Variants in ADTRP observed in about 807,000 individuals in gnomAD.
ADTRP encodes the protein androgen dependent TFPI regulating protein.
A neutral mutation model predicts 27.0 loss-of-function variants in ADTRP; 20 were observed. The observed-to-expected ratio is 0.74, with a 90% confidence interval of 0.52 to 1.08. The LOEUF is 1.08. Ranked by LOEUF, ADTRP falls within the 50% of genes least tolerant of loss-of-function variation. The pLI is 0.00. For synonymous variants in ADTRP, 101 were observed against 105.2 expected, an observed-to-expected ratio of 0.96 and a Z score of 0.25; for missense variants, 251 against 275.0, an observed-to-expected ratio of 0.91 and a Z score of 0.62.
intron 1 of ADTRP, among the ~76,000 whole-genome samples, chr6:11,776,702 G>A (rs908802289): frequency 1.3e-5 from 2 of 152,202 alleles, no homozygotes; most frequent in African/African-American, 4.8e-5. Flanking sequence ...GGGCAGAGAA[G>A]TGACAGCAGG....
rs1285185067 is a variant in ADTRP, at chr6:11,721,239, A to ATG, written c.658+2109_658+2110insCA. Among the ~76,000 whole-genome samples, 164 of 152,316 alleles carry ATG rather than the reference A, an allele frequency of 1.1e-3. 2 individuals are homozygous for ATG. The highest frequency in any genetic ancestry group is 3.9e-3 in the African/African-American group (161 of 41,570). On this transcript the variant is annotated intron_variant, in intron 5 of 5. Transcript: ENST00000414691. The stretch of plus-strand genomic sequence containing the variant: ...CTGGAGGAGACACAGAATCCCGTGG[A>ATG]CGTAAGAAACAACATCAACGTGGAG...
intron 3 of ADTRP, among the ~76,000 whole-genome samples, chr6:11,748,861 G>A (rs1486583891): frequency 6.6e-6 from 1 of 152,244 alleles, no homozygotes; most frequent in African/African-American, 2.4e-5. Context: ...GCCAGGGGGA[G>A]AGAAGCTCAA....
intron 3 of ADTRP, among the ~76,000 whole-genome samples, chr6:11,743,882 C>G (rs2235411): frequency 0.093 from 14,150 of 152,178 alleles, 875 homozygotes; most frequent in Middle Eastern, 0.18. Context: ...AGAATCAACC[C>G]CACTTCCAGC....
At chr6:11,717,528 A>G (rs1046093421) in intron 5 of ADTRP, 27 of 1,125,018 alleles carry the variant, frequency 2.4e-5, no homozygotes, top group African/African-American at 3.3e-5. Context: ...AAAACATAGT[A>G]TTCTCAAAGA....
chr6:11,760,331 C>T (rs1314247444), intron 3 of ADTRP, among the ~76,000 whole-genome samples: 2 of 152,168 alleles, frequency 1.3e-5, no homozygotes, highest in African/African-American at 4.8e-5. Flanking sequence ...AGGTCTGACT[C>T]GAGTCCTCTT....
chr6:11,718,363 C>G (rs1395056208), intron 5 of ADTRP, among the ~76,000 whole-genome samples: 1 of 152,210 alleles, frequency 6.6e-6, no homozygotes, highest in African/African-American at 2.4e-5. Flanking sequence ...TTTCTGTGCC[C>G]CATATCTCTT....
intron 1 of ADTRP, among the ~76,000 whole-genome samples, chr6:11,769,291 T>C (rs1763682487): frequency 6.6e-6 from 1 of 152,080 alleles, no homozygotes; most frequent in Admixed American, 6.5e-5. Flanking sequence ...TTTTAGGGTA[T>C]AAGTCAGGAA....
At chr6:11,717,657 G>C (rs1761876421) in intron 5 of ADTRP, among the ~76,000 whole-genome samples, 1 of 152,232 alleles carries the variant, frequency 6.6e-6, no homozygotes, top group Non-Finnish European at 1.5e-5. Context: ...TGGTTGGGGG[G>C]ATAGCAGGTG....
At chr6:11,740,915 A>G (rs1408626067) in intron 3 of ADTRP, among the ~76,000 whole-genome samples, 1 of 152,220 alleles carries the variant, frequency 6.6e-6, no homozygotes, top group Non-Finnish European at 1.5e-5. Flanking sequence ...TATGGGACTT[A>G]AAAAACAACA....
chr6:11,718,459 ATTAAGCAC>A (rs1761905406), intron 5 of ADTRP, among the ~76,000 whole-genome samples: 2 of 152,098 alleles, frequency 1.3e-5, no homozygotes, highest in Admixed American at 6.5e-5. Flanking sequence ...AAAAAAGAAA[ATTAAGCAC>A]ATAAGGGGCA....
At chr6:11,742,738 C>T (rs1051130115) in intron 3 of ADTRP, among the ~76,000 whole-genome samples, 7 of 152,130 alleles carry the variant, frequency 4.6e-5, no homozygotes, top group African/African-American at 9.7e-5. Flanking sequence ...GGCAAAATAA[C>T]GAAGCTCAAT....
At chr6:11,758,598 T>TAGGAGGTA (rs1763299046) in intron 3 of ADTRP, among the ~76,000 whole-genome samples, 1 of 131,470 alleles carries the variant, frequency 7.6e-6, no homozygotes, top group South Asian at 2.6e-4. Flanking sequence ...CGGATAGCAT[T>TAGGAGGTA]AGGAGGTATA....
chr6:11,755,065 C>T (rs1561764685), intron 3 of ADTRP: 1 of 985,292 alleles, frequency 1.0e-6, no homozygotes. Flanking sequence ...TCAAGTCATT[C>T]TTCCCGTTGG....
chr6:11,773,734 C>T (rs1335274440), intron 1 of ADTRP, among the ~76,000 whole-genome samples: 1 of 152,174 alleles, frequency 6.6e-6, no homozygotes, highest in Non-Finnish European at 1.5e-5. Flanking sequence ...AAAACTGAAG[C>T]ACAGAGAAGT....
intron 2 of ADTRP, among the ~76,000 whole-genome samples, chr6:11,766,716 T>C (rs1399293636): frequency 1.3e-5 from 2 of 152,206 alleles, no homozygotes; most frequent in Non-Finnish European, 2.9e-5. Context: ...TTCTAAACTT[T>C]CACCAGGAAT....
chr6:11,759,056 T>C (rs997473736), intron 3 of ADTRP, among the ~76,000 whole-genome samples: 14 of 152,204 alleles, frequency 9.2e-5, no homozygotes, highest in Admixed American at 4.6e-4. Context: ...GCAATCCTGC[T>C]CACCTGGCAG....
intron 5 of ADTRP, among the ~76,000 whole-genome samples, chr6:11,716,083 C>T (rs959209408): frequency 5.9e-5 from 9 of 152,034 alleles, no homozygotes; most frequent in Admixed American, 5.9e-4. Context: ...TACTCTGGGC[C>T]TTTAATGAAT....
intron 5 of ADTRP, among the ~76,000 whole-genome samples, chr6:11,715,926 G>A (rs1344139708): frequency 6.9e-6 from 1 of 144,290 alleles, no homozygotes; most frequent in African/African-American, 2.6e-5. Context: ...TCCCATCTCA[G>A]CCTCCCAAAG....
intron 1 of ADTRP, among the ~76,000 whole-genome samples, chr6:11,778,258 C>T (rs1342839167): frequency 6.6e-6 from 1 of 152,194 alleles, no homozygotes; most frequent in African/African-American, 2.4e-5. Flanking sequence ...CACAGACTTC[C>T]CCAAGCAAAG....
Sources: gnomAD v4.1 joint callset for allele counts (sites outside exome capture counted in the v4.1 genomes callset) on GRCh38, gnomAD v4.1.1 for gene constraint, MANE v1.5 for transcripts, NCBI Gene and HGNC (gene_info 2026-07-23, HGNC 2026-07-21) for gene names.